MGAT5B: variants seen among roughly 807,000 people sequenced by gnomAD.
MGAT5B encodes N-acetylglucosaminyl-transferase Vb.
In MGAT5B, 54 loss-of-function variants were observed where a neutral mutation model predicts 95.1. That is an observed-to-expected ratio of 0.57 (90% CI 0.46 to 0.71). MGAT5B has a LOEUF of 0.71. Ranked by LOEUF, MGAT5B falls within the 30% of genes least tolerant of loss-of-function variation. The probability of loss-of-function intolerance (pLI) is 0.00; values close to 1 mark genes in which losing one functional copy is unlikely to be tolerated. For missense variants in MGAT5B, 935 were observed against 1,088.6 expected, an observed-to-expected ratio of 0.86 and a Z score of 1.99; for synonymous variants, 464 against 451.0, an observed-to-expected ratio of 1.03 and a Z score of -0.36.
In MGAT5B at chr17:76,906,152, C is replaced by G. The variant is rs779969474; in HGVS notation, c.990C>G (p.Gly330=). The change falls in exon 8 of 18, where the codon GGC becomes GGG. Residue 330 remains glycine, a synonymous_variant. Coordinates refer to ENST00000569840, the MANE Select transcript of MGAT5B (RefSeq NM_001199172.2). This position sits in a 1 kb window ranked among gnomAD's most constrained non-coding sequence, Gnocchi z 4.6. The part of the protein sequence containing the change: ...ILTALYVLGH[G]LRVTVSLKEL... ...CTGCACTCTATGTCCTGGGCCATGG[C>G]CTGCGGGTCACAGTCTCCCTGAAGG... 1.2e-6 allele frequency: 2 copies of G among 1,606,074 alleles called. No homozygotes were observed. Among genetic ancestry groups the G allele is most frequent in the Admixed American group, 3.4e-5 (2 of 58,890 alleles).
At chr17:76,885,788 C>T (rs115456647) in intron 3 of MGAT5B, among the ~76,000 whole-genome samples, 146 of 152,312 alleles carry the variant, frequency 9.6e-4, no homozygotes, top group African/African-American at 3.4e-3. Flanking sequence ...CACACGCTCC[C>T]GTGCACAAAC....
chr17:76,945,084 T>C (rs1969992708), intron 15 of MGAT5B, among the ~76,000 whole-genome samples: 1 of 152,022 alleles, frequency 6.6e-6, no homozygotes, highest in Non-Finnish European at 1.5e-5. Context: ...CCCTTTCAGG[T>C]CAGTGATTTT....
At chr17:76,913,771 C>T (rs763757797) in intron 8 of MGAT5B, 1 of 476,216 alleles carries the variant, frequency 2.1e-6, no homozygotes, top group Non-Finnish European at 4.2e-6. Flanking sequence ...ACACATTGCT[C>T]ATTGAAAAGC....
intron 3 of MGAT5B, among the ~76,000 whole-genome samples, chr17:76,884,893 C>T (rs574191023): frequency 3.4e-4 from 51 of 151,668 alleles, no homozygotes; most frequent in African/African-American, 1.1e-3. Flanking sequence ...TGAGCCACTG[C>T]GCCCGGCCTA....
chr17:76,902,384 CA>C (rs1968344501), intron 3 of MGAT5B, among the ~76,000 whole-genome samples, 170 bp from the exon 4 acceptor site: 1 of 152,160 alleles, frequency 6.6e-6, no homozygotes, highest in Non-Finnish European at 1.5e-5. Flanking sequence ...CTGCCAGCTC[CA>C]TCTTCTCACC....
intron 10 of MGAT5B, among the ~76,000 whole-genome samples, chr17:76,931,975 GGCT>G (rs1969491597): frequency 6.6e-6 from 1 of 151,920 alleles, no homozygotes; most frequent in Admixed American, 6.6e-5. Flanking sequence ...TGACCTCTTA[GGCT>G]GCTGCTGCTA....
chr17:76,944,571 A>G (rs1228908336), intron 15 of MGAT5B, among the ~76,000 whole-genome samples: 2 of 152,170 alleles, frequency 1.3e-5, no homozygotes, highest in Non-Finnish European at 2.9e-5. Context: ...GCAGGTCGGG[A>G]CAGGGCTGTG....
chr17:76,902,571 G>A lies in MGAT5B; in HGVS notation c.346G>A (p.Gly116Ser), dbSNP rs76963751. The A allele has an allele frequency of 3.4e-3, 5,420 of 1,596,400 alleles. 84 individuals are homozygous for A. In the East Asian group the frequency reaches 0.047, roughly 14 times the overall value. ...CCCACTTAGGATGCCCCCTGGGGCC[G>A]GCCTCATGGAGCGGATCCAGGCTAT... ...FPADRMPPGA[G>S]LMERIQAIAQ... Residue 116 changes from glycine to serine, a missense_variant, in exon 4 of 18, where the codon GGC becomes AGC. Physicochemically the swap from Gly to Ser is moderately conservative, Grantham distance 56. Around this residue, in one of 4 missense-constraint regions of MGAT5B, gnomAD observed 243 missense variants for 228.2 expected, o/e 1.06. Transcript: ENST00000569840.
At chr17:76,897,822 G>A (rs1175919916) in intron 3 of MGAT5B, among the ~76,000 whole-genome samples, 2 of 150,080 alleles carry the variant, frequency 1.3e-5, no homozygotes, top group African/African-American at 4.9e-5. Flanking sequence ...TTGGGAGGCC[G>A]AGGTGGGTGG....
chr17:76,947,477 G>A (rs1056731347), intron 16 of MGAT5B, among the ~76,000 whole-genome samples: 1 of 152,104 alleles, frequency 6.6e-6, no homozygotes, highest in African/African-American at 2.4e-5. Flanking sequence ...CTGTCCCCAT[G>A]GAGGGCAGGG....
intron 15 of MGAT5B, among the ~76,000 whole-genome samples, chr17:76,944,518 C>T (rs1325293979): frequency 2.0e-5 from 3 of 152,204 alleles, no homozygotes; most frequent in African/African-American, 7.2e-5. Flanking sequence ...GGGGCAGCAA[C>T]TGGCTGCCAG....
chr17:76,918,387 C>G lies in MGAT5B; in HGVS notation c.1026-6579C>G, dbSNP rs1969017030. On this transcript the variant is annotated intron_variant, in intron 8 of 17. Coordinates refer to ENST00000569840, the MANE Select transcript of MGAT5B (RefSeq NM_001199172.2). The surrounding 1 kb of genome is among the most constrained non-coding windows in gnomAD (Gnocchi z 5.1). ...GCACAGGGTACATGCTGGGGATGCT[C>G]AAGGGCATCGCCTTTTCAGGAGATG... 6.6e-6 allele frequency among the ~76,000 whole-genome samples: 1 copy of G among 152,178 alleles called. No homozygotes were observed.
At chr17:76,871,163 C>T (rs1229815578) in intron 1 of MGAT5B, among the ~76,000 whole-genome samples, 1 of 152,200 alleles carries the variant, frequency 6.6e-6, no homozygotes, top group Non-Finnish European at 1.5e-5. Context: ...GAAGTCCGTC[C>T]TTGTCCTCAG....
intron 8 of MGAT5B, among the ~76,000 whole-genome samples, chr17:76,909,300 T>A (rs1445618740): frequency 6.6e-6 from 1 of 152,172 alleles, no homozygotes; most frequent in Non-Finnish European, 1.5e-5. Flanking sequence ...TCCTTCTATC[T>A]ATCTATATGT....
At chr17:76,900,964 C>T (rs554464494) in intron 3 of MGAT5B, among the ~76,000 whole-genome samples, 2 of 113,312 alleles carry the variant, frequency 1.8e-5, no homozygotes, top group African/African-American at 8.3e-5. Flanking sequence ...CGTGTGCACG[C>T]CTGTGTGCAT....
At chr17:76,903,132 G>A (rs1008231252) in intron 4 of MGAT5B, among the ~76,000 whole-genome samples, 171 bp from the exon 5 acceptor site, 14 of 152,126 alleles carry the variant, frequency 9.2e-5, no homozygotes, top group African/African-American at 1.4e-4. Context: ...TGAGGAGGCC[G>A]GGGGCAACCT....
chr17:76,947,394 A>G (rs1970064420), intron 16 of MGAT5B, among the ~76,000 whole-genome samples: 2 of 152,164 alleles, frequency 1.3e-5, no homozygotes, highest in South Asian at 4.1e-4. Flanking sequence ...AAGCTCACAG[A>G]AAAGCATTCG....
chr17:76,945,353 A>T (rs993309759), intron 15 of MGAT5B, among the ~76,000 whole-genome samples: 1 of 152,140 alleles, frequency 6.6e-6, no homozygotes, highest in South Asian at 2.1e-4. Context: ...GCAATGGTGC[A>T]GTCTCAGCTC....
chr17:76,929,917 G>A (rs1365118261), intron 10 of MGAT5B, among the ~76,000 whole-genome samples: 1 of 152,242 alleles, frequency 6.6e-6, no homozygotes, highest in African/African-American at 2.4e-5. Flanking sequence ...GGTGGAGTTG[G>A]TGGAATGAAG....
Sources: allele counts gnomAD v4.1 joint callset (sites outside exome capture counted in the v4.1 genomes callset), GRCh38; gene constraint gnomAD v4.1.1; regional missense constraint gnomAD v4.1.1; non-coding constraint Gnocchi (gnomAD v3.1); transcripts MANE v1.5; gene names NCBI Gene and HGNC (gene_info 2026-07-23, HGNC 2026-07-21).